IGSF10: variants seen among roughly 807,000 people sequenced by gnomAD.
IGSF10 encodes the protein calvaria mechanical force protein 608.
Under a neutral mutation model 128.2 loss-of-function variants are expected in IGSF10, and 126 were observed. The ratio of observed to expected loss-of-function variants is 0.98; its 90% CI spans 0.85 to 1.14. IGSF10 has a LOEUF of 1.14. IGSF10 is among the 50% of genes most tolerant of loss of function. IGSF10 has a pLI of 0.00. For synonymous variants in IGSF10, 1,185 were observed against 1,146.2 expected, an observed-to-expected ratio of 1.03 and a Z score of -0.68; for missense variants, 3,295 against 3,149.8, an observed-to-expected ratio of 1.05 and a Z score of -1.10.
rs961139372 is a variant in IGSF10, at chr3:151,445,989, G to C, written c.3992C>G (p.Thr1331Ser). 1.9e-6 allele frequency: 3 copies of C among 1,614,064 alleles called. No homozygotes were observed. The highest frequency in any genetic ancestry group is 2.5e-6 in the Non-Finnish European group (3 of 1,180,036). Reference sequence around the variant, plus strand: ...AGATCTCTCTGTTTGGGTTTCATAAGTGATGACAGATGCAGGGAAGGTAGG... The same window carrying C: ...AGATCTCTCTGTTTGGGTTTCATAACTGATGACAGATGCAGGGAAGGTAGG... ...TTPTFPASVITYETQTERSRA... is the reference protein window; with the variant it reads ...TTPTFPASVISYETQTERSRA... The change falls in exon 6 of 8, where the codon ACT becomes AGT. Residue 1331 changes from threonine (T) to serine (S), a missense_variant. Thr to Ser is a moderately conservative substitution (Grantham distance 58). Coordinates refer to ENST00000282466, the MANE Select transcript of IGSF10 (RefSeq NM_178822.5).
At chr3:151,516,492 G>A in the IGSF10 span, among the ~76,000 whole-genome samples, 1 of 152,174 alleles carries the variant, frequency 6.6e-6, no homozygotes, top group East Asian at 1.9e-4. Context: ...TGCCTTGACA[G>A]ATGGAAGATG....
upstream of IGSF10, chr3:151,461,321 T>C: frequency 1.0e-6 from 1 of 985,294 alleles, no homozygotes; most frequent in Non-Finnish European, 1.2e-6. Context: ...TGTTGACAGG[T>C]GGGCCTTTTG....
At chr3:151,531,519 G>T in the IGSF10 span, among the ~76,000 whole-genome samples, 2 of 152,140 alleles carry the variant, frequency 1.3e-5, no homozygotes, top group Admixed American at 6.6e-5. Flanking sequence ...TAGAACTCAG[G>T]ATTAAGAAAC....
At chr3:151,496,340 C>G in the IGSF10 span, among the ~76,000 whole-genome samples, 1 of 145,330 alleles carries the variant, frequency 6.9e-6, no homozygotes, top group Non-Finnish European at 1.5e-5. Context: ...TAATGCTATC[C>G]TTCCCCCCTC....
At chr3:151,619,080 AAATAT>A in the IGSF10 span, among the ~76,000 whole-genome samples, 2 of 151,814 alleles carry the variant, frequency 1.3e-5, no homozygotes, top group African/African-American at 4.8e-5. Context: ...TATGTAAATA[AAATAT>A]AATGTAAATA....
the IGSF10 span, among the ~76,000 whole-genome samples, chr3:151,562,777 A>C: frequency 6.6e-6 from 1 of 152,140 alleles, no homozygotes; most frequent in African/African-American, 2.4e-5. Flanking sequence ...CCAATGCACC[A>C]TGTCCAAGAG....
the IGSF10 span, among the ~76,000 whole-genome samples, chr3:151,499,089 C>T: frequency 2.0e-5 from 3 of 152,090 alleles, no homozygotes; most frequent in African/African-American, 7.2e-5. Flanking sequence ...TTTTCCTGCA[C>T]ATCTGCAGAT....
intron 7 of IGSF10, among the ~76,000 whole-genome samples, chr3:151,442,545 T>C (rs1560173809): frequency 1.1e-5 from 1 of 94,476 alleles, no homozygotes; most frequent in African/African-American, 5.0e-5. Context: ...CATGCCCGGC[T>C]AATTTTTTTT....
rs1427070709 is a variant in IGSF10 at position 151,460,342 on chromosome 3, C to T, written c.-83G>A. The T allele has an allele frequency of 7.2e-6, 7 of 974,166 alleles. No individual in the cohort carries two copies. The highest frequency in any genetic ancestry group is 1.1e-4 in the East Asian group (1 of 8,778). 60.3% of individuals were successfully genotyped at this position (974,166 alleles called of 1,614,324 possible). On this transcript the variant is annotated 5_prime_UTR_variant, in exon 2 of 8. Coordinates refer to ENST00000282466, the MANE Select transcript of IGSF10 (RefSeq NM_178822.5). Reference sequence around the variant, plus strand: ...CTTCCCAGGAAATGGAAAATTGTGTCCAAACCTGAGGGAGGAAAAGTTCTC... The same window carrying T: ...CTTCCCAGGAAATGGAAAATTGTGTTCAAACCTGAGGGAGGAAAAGTTCTC...
chr3:151,556,650 G>A, the IGSF10 span, among the ~76,000 whole-genome samples: 2 of 152,162 alleles, frequency 1.3e-5, no homozygotes, highest in African/African-American at 4.8e-5. Context: ...AAAGATTTCA[G>A]TACATAGCAC....
the IGSF10 span, among the ~76,000 whole-genome samples, chr3:151,484,338 AC>A: frequency 6.6e-6 from 1 of 152,168 alleles, no homozygotes; most frequent in Non-Finnish European, 1.5e-5. Context: ...CCTCCCTGGG[AC>A]ACAGCACATG....
the IGSF10 span, among the ~76,000 whole-genome samples, chr3:151,516,197 G>C: frequency 6.6e-6 from 1 of 151,938 alleles, no homozygotes; most frequent in Non-Finnish European, 1.5e-5. Context: ...CATATTCTTA[G>C]AACTGTACAC....
At chr3:151,597,390 G>T in the IGSF10 span, among the ~76,000 whole-genome samples, 2 of 152,332 alleles carry the variant, frequency 1.3e-5, no homozygotes, top group East Asian at 3.9e-4. Context: ...GATGAGATCA[G>T]AGCCAGCTTT....
the IGSF10 span, among the ~76,000 whole-genome samples, chr3:151,488,015 G>T: frequency 6.6e-6 from 1 of 152,044 alleles, no homozygotes; most frequent in African/African-American, 2.4e-5. Context: ...AGCATTTTCA[G>T]TTAGGAAAAG....
chr3:151,498,176 G>A, the IGSF10 span, among the ~76,000 whole-genome samples: 36 of 152,136 alleles, frequency 2.4e-4, no homozygotes, highest in Non-Finnish European at 3.8e-4. Flanking sequence ...TCCTTCTCCT[G>A]CCTGATTGCC....
chr3:151,461,556 A>T, upstream of IGSF10: 1 of 444,166 alleles, frequency 2.3e-6, no homozygotes, highest in Non-Finnish European at 2.7e-6. Flanking sequence ...GTGAAACAAC[A>T]TATCCATCAT....
the IGSF10 span, among the ~76,000 whole-genome samples, chr3:151,583,441 A>G: frequency 3.3e-5 from 5 of 152,214 alleles, no homozygotes; most frequent in African/African-American, 4.8e-5. Context: ...ACTTTCACCC[A>G]GTTATTTAAA....
the IGSF10 span, among the ~76,000 whole-genome samples, chr3:151,515,813 G>A: frequency 2.6e-5 from 4 of 151,254 alleles, no homozygotes; most frequent in African/African-American, 9.7e-5. Context: ...GGTTTGTCAA[G>A]CCCAAAATCC....
Position 151,445,983 on chromosome 3 carries a change from T to C in IGSF10, c.3998A>G (p.Glu1333Gly), listed in dbSNP as rs1386747289. ...PTFPASVITY[E>G]TQTERSRAQT... Reference sequence around the variant, plus strand: ...TGCTCTAGATCTCTCTGTTTGGGTTTCATAAGTGATGACAGATGCAGGGAA... The same window carrying C: ...TGCTCTAGATCTCTCTGTTTGGGTTCCATAAGTGATGACAGATGCAGGGAA... The change falls in exon 6 of 8, where the codon GAA (glutamate) becomes GGA (glycine). Residue 1333 changes from glutamate (E) to glycine (G), a missense_variant. Glu to Gly is a moderately conservative substitution (Grantham distance 98). Coordinates refer to ENST00000282466, the MANE Select transcript of IGSF10 (RefSeq NM_178822.5). The C allele has an allele frequency of 1.2e-6, 2 of 1,614,226 alleles. No homozygotes were observed. Among genetic ancestry groups the C allele is most frequent in the East Asian group, 2.2e-5 (1 of 44,884 alleles).
Sources: gnomAD v4.1 joint callset for allele counts (sites outside exome capture counted in the v4.1 genomes callset) on GRCh38, gnomAD v4.1.1 for gene constraint, MANE v1.5 for transcripts, NCBI Gene and HGNC (gene_info 2026-07-23, HGNC 2026-07-21) for gene names.